Variants in CDK6 observed in about 807,000 individuals in gnomAD.
CDK6 encodes the protein cyclin dependent kinase 6.
In CDK6, 6 loss-of-function variants were observed where a neutral mutation model predicts 37.1. The ratio of observed to expected loss-of-function variants is 0.16; its 90% confidence interval spans 0.09 to 0.32. The LOEUF (loss-of-function observed/expected upper bound fraction) is 0.32, where lower values mean the gene tolerates loss of function less well. CDK6 is among the 10% of genes least tolerant of loss of function. The pLI is 1.00. For synonymous variants in CDK6, 160 were observed against 161.3 expected (o/e 0.99, Z 0.06); for missense variants, 224 against 418.9 (o/e 0.53, Z 4.06).
intron 3 of CDK6, among the ~76,000 whole-genome samples, chr7:92,768,527 G>C (rs1351508785): frequency 2.6e-5 from 4 of 152,128 alleles, no homozygotes; most frequent in Non-Finnish European, 4.4e-5. Flanking sequence ...AAAGTAGTTT[G>C]CATCAAATAC....
chr7:92,774,576 T>A (rs1584075893), intron 3 of CDK6, 120 bp downstream of exon 3: 2 of 836,828 alleles, frequency 2.4e-6, no homozygotes, highest in East Asian at 2.8e-5. Context: ...TTGATTTTTT[T>A]AACTATATAC....
At chr7:92,816,589 T>A (rs533066161) in intron 2 of CDK6, among the ~76,000 whole-genome samples, 34 of 152,162 alleles carry the variant, frequency 2.2e-4, no homozygotes, top group African/African-American at 7.9e-4. Context: ...CCAAATTGAA[T>A]GAAAATTAAG....
At chr7:92,640,768 G>A (rs751135724) in intron 5 of CDK6, among the ~76,000 whole-genome samples, 99 of 152,142 alleles carry the variant, frequency 6.5e-4, no homozygotes, top group Non-Finnish European at 8.8e-4. Context: ...TTGGCTCCAC[G>A]TATCAAAGGG....
intron 4 of CDK6, among the ~76,000 whole-genome samples, chr7:92,680,460 A>G (rs1797308836): frequency 2.0e-5 from 3 of 150,770 alleles, no homozygotes; most frequent in Non-Finnish European, 1.5e-5. Flanking sequence ...AAAAAAAAAA[A>G]AAGCATTAAA....
chr7:92,753,913 C>T (rs1265377650), intron 3 of CDK6, among the ~76,000 whole-genome samples: 1 of 152,188 alleles, frequency 6.6e-6, no homozygotes, highest in East Asian at 1.9e-4. Flanking sequence ...GAATGGAAAC[C>T]TTGTGTTCCA....
intron 4 of CDK6, among the ~76,000 whole-genome samples, chr7:92,723,551 T>C (rs140152272): frequency 6.6e-6 from 1 of 152,310 alleles, no homozygotes; most frequent in East Asian, 1.9e-4. Flanking sequence ...CGCATTACTA[T>C]ATTAAATGGG....
chr7:92,695,271 T>TAAAAAA (rs61112739), intron 4 of CDK6, among the ~76,000 whole-genome samples: 116 of 99,636 alleles, frequency 1.2e-3, no homozygotes, highest in African/African-American at 4.5e-3. Flanking sequence ...GACCCTGAGG[T>TAAAAAA]AAAAAAAAAA....
intron 2 of CDK6, among the ~76,000 whole-genome samples, chr7:92,782,279 C>T (rs1310436000): frequency 2.6e-5 from 4 of 152,178 alleles, no homozygotes; most frequent in Non-Finnish European, 4.4e-5. Flanking sequence ...TTATATATCA[C>T]ATCAAGTAAA....
chr7:92,658,523 A>G (rs1796758846), intron 5 of CDK6, among the ~76,000 whole-genome samples: 2 of 152,194 alleles, frequency 1.3e-5, no homozygotes, highest in South Asian at 2.1e-4. Flanking sequence ...TTCTGTGAGA[A>G]AAATTTACAT....
intron 2 of CDK6, among the ~76,000 whole-genome samples, chr7:92,799,628 G>A (rs115822510): frequency 0.02 from 3,005 of 152,154 alleles, 100 homozygotes; most frequent in South Asian, 0.15. Flanking sequence ...TGAACCGCCT[G>A]TGCTGTGAAG....
In CDK6 at chr7:92,640,609, T is replaced by C. The variant is rs532280360; in HGVS notation, c.648-17523A>G. On this transcript the variant is annotated intron_variant, in intron 5 of 7. Transcript: ENST00000424848. ...ACAGGGAAAAGAATTTGGATGACTA[T>C]TACTTTCTGACTGACGACTTCTGGG... 2.0e-5 allele frequency among the ~76,000 whole-genome samples: 3 copies of C among 152,334 alleles called. No homozygotes were observed. In the East Asian group the frequency reaches 5.8e-4, roughly 29 times the overall value.
At chr7:92,646,012 C>T (rs375201639) in intron 5 of CDK6, among the ~76,000 whole-genome samples, 69 of 152,310 alleles carry the variant, frequency 4.5e-4, no homozygotes, top group African/African-American at 1.6e-3. Flanking sequence ...TTATACCTTC[C>T]AGTACAGCCA....
intron 3 of CDK6, among the ~76,000 whole-genome samples, chr7:92,731,327 C>T (rs1798643892): frequency 6.6e-6 from 1 of 152,188 alleles, no homozygotes; most frequent in Admixed American, 6.5e-5. Context: ...TTCTGAGAAA[C>T]CAAGAGGAGG....
intron 5 of CDK6, 170 bp downstream of exon 5, chr7:92,671,256 G>GTAA (rs1323406702): frequency 4.6e-6 from 2 of 436,124 alleles, no homozygotes; most frequent in African/African-American, 4.1e-5. Flanking sequence ...AAACAACACT[G>GTAA]TAAGCACTGA....
intron 6 of CDK6, among the ~76,000 whole-genome samples, chr7:92,619,403 TG>T (rs1184654629): frequency 2.0e-5 from 3 of 152,154 alleles, no homozygotes; most frequent in African/African-American, 7.2e-5. Context: ...TCACACAGAC[TG>T]TATAACTCTG....
chr7:92,694,116 T>C (rs749170155), intron 4 of CDK6, among the ~76,000 whole-genome samples: 10 of 152,092 alleles, frequency 6.6e-5, no homozygotes, highest in Non-Finnish European at 1.5e-4. Context: ...GAGTCCTTGA[T>C]TGAGATTTTG....
chr7:92,766,566 AGT>A (rs1399162362), intron 3 of CDK6, among the ~76,000 whole-genome samples: 5 of 152,228 alleles, frequency 3.3e-5, no homozygotes, highest in Non-Finnish European at 7.3e-5. Context: ...TTGATTAGAA[AGT>A]GTAGCCAAGG....
intron 5 of CDK6, among the ~76,000 whole-genome samples, chr7:92,651,965 A>G (rs1238739188): frequency 6.6e-6 from 1 of 152,226 alleles, no homozygotes; most frequent in Non-Finnish European, 1.5e-5. Context: ...ATAACACTGA[A>G]TATTGGAAAT....
chr7:92,690,898 C>T (rs1187602497), intron 4 of CDK6, among the ~76,000 whole-genome samples: 1 of 152,122 alleles, frequency 6.6e-6, no homozygotes, highest in Non-Finnish European at 1.5e-5. Flanking sequence ...TCAATTACCA[C>T]TATATATTAT....
Sources: allele counts gnomAD v4.1 joint callset (sites outside exome capture counted in the v4.1 genomes callset), GRCh38; gene constraint gnomAD v4.1.1; transcripts MANE v1.5; gene names NCBI Gene and HGNC (gene_info 2026-07-23, HGNC 2026-07-21).